Variants in WLS observed in about 807,000 individuals in gnomAD.
The protein encoded by WLS is Wnt ligand secretion mediator, also known as protein wntless homolog.
Under a neutral mutation model 62.8 loss-of-function variants are expected in WLS, and 23 were observed. The observed-to-expected ratio is 0.37, with a 90% CI of 0.26 to 0.52. The LOEUF (loss-of-function observed/expected upper bound fraction) is 0.52, where lower values mean the gene tolerates loss of function less well. Ranked by LOEUF, WLS falls within the 20% of genes least tolerant of loss-of-function variation. The pLI is 0.92. For synonymous variants in WLS, 246 were observed against 244.1 expected, an observed-to-expected ratio of 1.01 and a Z score of -0.07; for missense variants, 615 against 697.3, an observed-to-expected ratio of 0.88 and a Z score of 1.33.
intron 1 of WLS, among the ~76,000 whole-genome samples, chr1:68,204,027 A>G (rs550448896): frequency 6.6e-6 from 1 of 152,300 alleles, no homozygotes; most frequent in Admixed American, 6.5e-5. Context: ...TTTGTTTTCT[A>G]TTTTCTGACC....
rs556243575 is a variant in WLS at position 68,146,341 on chromosome 1, G to A, written c.1135-329C>T. ...TTTTAACCAGGTCCCCAGGAGATCC[G>A]TATACACAATAAATTTGAGAAGCAC... On this transcript the variant is annotated intron_variant, in intron 8 of 11. Coordinates refer to ENST00000262348, the MANE Select transcript of WLS (RefSeq NM_024911.7). Among the ~76,000 whole-genome samples the A allele has an allele frequency of 5.3e-5, 8 of 152,178 alleles. No homozygotes were observed. In the East Asian group the frequency reaches 7.7e-4, roughly 15 times the overall value.
rs575010712 is a variant in WLS at position 68,112,953 on chromosome 1, A to G, written c.1511-14200T>C. On this transcript the variant is annotated intron_variant, in intron 11 of 11. Transcript: ENST00000354777. The stretch of plus-strand genomic sequence containing the variant: ...CCTAGGTTGGCAGTGAGAGCGTCAG[A>G]ACAAGGTTGAGGCCAAATCCATGAA... 6.8e-4 allele frequency among the ~76,000 whole-genome samples: 103 copies of G among 152,376 alleles called. 2 individuals carry two copies. Among genetic ancestry groups the G allele is most frequent in the Middle Eastern group, 3.4e-3 (1 of 294 alleles).
At chr1:68,163,071 T>C (rs201045153) in intron 2 of WLS, 1 of 1,574,200 alleles carries the variant, frequency 6.4e-7, no homozygotes, top group Non-Finnish European at 8.7e-7. Context: ...CTTGACTTTG[T>C]GCTTATCCAC....
At chr1:68,155,405 T>C in intron 3 of WLS, 145 bp from the exon 4 acceptor site, 1 of 949,472 alleles carries the variant, frequency 1.1e-6, no homozygotes, top group Non-Finnish European at 1.5e-6. Context: ...CAATGCATAC[T>C]GGAGGCATGG....
intron 2 of WLS, among the ~76,000 whole-genome samples, chr1:68,175,180 T>G (rs1329800611): frequency 6.6e-6 from 1 of 152,210 alleles, no homozygotes; most frequent in Non-Finnish European, 1.5e-5. Context: ...TTCTTATAAA[T>G]GAAGTATTTT....
intron 11 of WLS, among the ~76,000 whole-genome samples, chr1:68,116,782 CTATT>C (rs1557450829): frequency 6.6e-6 from 1 of 152,168 alleles, no homozygotes; most frequent in African/African-American, 2.4e-5. Flanking sequence ...GTGAATGAAT[CTATT>C]TCTTTCAAGA....
chr1:68,138,116 G>T (rs1646637106), intron 10 of WLS, 183 bp from the exon 11 acceptor site: 1 of 702,540 alleles, frequency 1.4e-6, no homozygotes, highest in Non-Finnish European at 2.3e-6. Context: ...TCAACTGAAG[G>T]TTCTCTAGCT....
intron 1 of WLS, among the ~76,000 whole-genome samples, chr1:68,217,651 G>A (rs992210343): frequency 6.6e-6 from 1 of 152,178 alleles, no homozygotes; most frequent in Non-Finnish European, 1.5e-5. Context: ...AAACTCCGGG[G>A]TCCTACATAA....
At chr1:68,205,727 A>G (rs975275244) in intron 1 of WLS, among the ~76,000 whole-genome samples, 2 of 152,214 alleles carry the variant, frequency 1.3e-5, no homozygotes. Context: ...AGTACCTACC[A>G]GAGAAAAAGC....
chr1:68,123,672 C>A (rs115616899), downstream of WLS, among the ~76,000 whole-genome samples: 2 of 152,102 alleles, frequency 1.3e-5, no homozygotes, highest in African/African-American at 2.4e-5. Context: ...AGATGGACAC[C>A]GATCTATAAG....
rs1648511859 is a variant in WLS, at chr1:68,193,968, T to C, written c.366A>G (p.Leu122=). The C allele has an allele frequency of 6.2e-7, 1 of 1,613,832 alleles. No homozygotes were observed. Among genetic ancestry groups the C allele is most frequent in the Non-Finnish European group, 8.5e-7 (1 of 1,179,768 alleles). ...AGTACACTTAACTGATTTGGTTGTT[T>C]AGCTTGAAGGCAATGTCCAGCTGCA... The part of the protein sequence containing the change: ...FILQLDIAFK[L]NNQIRENAEV... Residue 122 remains leucine (L), a synonymous_variant, in exon 2 of 12, where the codon CTA becomes CTG. Transcript: ENST00000262348.
chr1:68,172,105 T>A (rs931881514), intron 2 of WLS, among the ~76,000 whole-genome samples: 4 of 148,662 alleles, frequency 2.7e-5, no homozygotes, highest in Non-Finnish European at 5.9e-5. Flanking sequence ...TAAGTGGGAG[T>A]TGAACAATGA....
intron 1 of WLS, among the ~76,000 whole-genome samples, chr1:68,223,281 A>AAC (rs1271365265): frequency 6.6e-6 from 1 of 152,212 alleles, no homozygotes; most frequent in East Asian, 1.9e-4. Flanking sequence ...CTGCAATAAC[A>AAC]TTAATATTTA....
chr1:68,153,989 T>C (rs963550010), intron 4 of WLS, among the ~76,000 whole-genome samples: 1 of 152,136 alleles, frequency 6.6e-6, no homozygotes, highest in African/African-American at 2.4e-5. Context: ...CTTCGAATTA[T>C]CTTACCTTGG....
chr1:68,188,019 T>C (rs1648067940), intron 2 of WLS, among the ~76,000 whole-genome samples: 1 of 152,198 alleles, frequency 6.6e-6, no homozygotes, highest in South Asian at 2.1e-4. Flanking sequence ...TATAGGCCAG[T>C]CACCTTCAGT....
intron 1 of WLS, among the ~76,000 whole-genome samples, chr1:68,220,060 G>A (rs1371475063): frequency 6.6e-6 from 1 of 152,114 alleles, no homozygotes; most frequent in Non-Finnish European, 1.5e-5. Flanking sequence ...ATGAATACTG[G>A]CCCAGAATTT....
intron 1 of WLS, chr1:68,202,453 T>C (rs1649071688): frequency 6.6e-6 from 1 of 152,198 alleles, no homozygotes; most frequent in Non-Finnish European, 1.5e-5. Context: ...AAAAGACTGA[T>C]GGAAGTATAT....
At chr1:68,221,252 G>A (rs77911157) in intron 1 of WLS, among the ~76,000 whole-genome samples, 8,833 of 152,138 alleles carry the variant, frequency 0.058, 411 homozygotes, top group Middle Eastern at 0.14. Context: ...TCAGGGGGAG[G>A]CATGAATAAA....
chr1:68,112,716 C>T (rs1016156163), intron 11 of WLS, among the ~76,000 whole-genome samples: 3 of 152,204 alleles, frequency 2.0e-5, no homozygotes, highest in Non-Finnish European at 2.9e-5. Flanking sequence ...CATTGGTCAC[C>T]GACTGCACGG....
Sources: allele counts gnomAD v4.1 joint callset (sites outside exome capture counted in the v4.1 genomes callset), GRCh38; gene constraint gnomAD v4.1.1; transcripts MANE v1.5; gene names NCBI Gene and HGNC (gene_info 2026-07-23, HGNC 2026-07-21).